TRAPPC9: variants seen among roughly 807,000 people sequenced by gnomAD.
TRAPPC9 encodes trafficking protein particle complex subunit 9.
A neutral mutation model predicts 124.0 loss-of-function variants in TRAPPC9; 83 were observed. The observed-to-expected ratio is 0.67, with a 90% confidence interval of 0.56 to 0.80. TRAPPC9 has a LOEUF of 0.80. Among genes scored for constraint, TRAPPC9 ranks in the 30% least tolerant of loss-of-function variants. The pLI, the probability that TRAPPC9 is intolerant of heterozygous loss-of-function variation, is 0.00. For synonymous variants in TRAPPC9, 638 were observed against 617.5 expected, an observed-to-expected ratio of 1.03 and a Z score of -0.49; for missense variants, 1,302 against 1,508.3, an observed-to-expected ratio of 0.86 and a Z score of 2.27.
intron 5 of TRAPPC9, among the ~76,000 whole-genome samples, chr8:140,425,931 A>G (rs549490510): frequency 6.6e-6 from 1 of 152,328 alleles, no homozygotes; most frequent in African/African-American, 2.4e-5. Flanking sequence ...AACGCCTGCA[A>G]ACCTGGGGCA....
intron 17 of TRAPPC9, among the ~76,000 whole-genome samples, chr8:140,049,893 C>T (rs1460752233): frequency 1.3e-5 from 2 of 152,208 alleles, no homozygotes; most frequent in Non-Finnish European, 2.9e-5. Flanking sequence ...GGAAAGGCTC[C>T]TTCAATTCCA....
intron 9 of TRAPPC9, among the ~76,000 whole-genome samples, chr8:140,323,978 T>A (rs534566495): frequency 3.3e-5 from 5 of 152,170 alleles, no homozygotes; most frequent in Admixed American, 2.6e-4. Flanking sequence ...ATTTCTGAGA[T>A]GTTGGTGCAC....
intron 16 of TRAPPC9, among the ~76,000 whole-genome samples, chr8:140,243,091 G>A (rs1024104211): frequency 2.0e-5 from 3 of 152,146 alleles, no homozygotes; most frequent in East Asian, 3.9e-4. Flanking sequence ...AACACAGATC[G>A]CAGCCCAGCG....
In TRAPPC9 at chr8:140,283,918, T is replaced by A. The variant is rs768331586; in HGVS notation, c.2085A>T (p.Pro695=). 1 of 1,614,118 alleles carries A rather than the reference T, an allele frequency of 6.2e-7. No homozygotes were observed. Among genetic ancestry groups the A allele is most frequent in the Non-Finnish European group, 8.5e-7 (1 of 1,180,024 alleles). The change falls in exon 14 of 23, where the codon CCA becomes CCT. Residue 695 remains proline (P), a synonymous_variant. Transcript: ENST00000438773. ...GCAGAGAGGTGCTGATCTGCAGTCT[T>A]GGCAACGCGGGAATGACTTCCACTG... The part of the protein sequence containing the change: ...GSTVEVIPAL[P]RLQISTSLPR...
At chr8:140,418,473 C>T (rs1306121839) in intron 5 of TRAPPC9, among the ~76,000 whole-genome samples, 1 of 152,202 alleles carries the variant, frequency 6.6e-6, no homozygotes, top group Non-Finnish European at 1.5e-5. Flanking sequence ...GTAATCCCAG[C>T]ACTTTGGGAG....
At chr8:140,199,907 G>T (rs958240834) in intron 17 of TRAPPC9, among the ~76,000 whole-genome samples, 1 of 151,976 alleles carries the variant, frequency 6.6e-6, no homozygotes. Context: ...AAGATAAAAG[G>T]AACTGCATAC....
At chr8:140,009,932 GGAGA>G (rs1262620034) in intron 18 of TRAPPC9, among the ~76,000 whole-genome samples, 1 of 152,196 alleles carries the variant, frequency 6.6e-6, no homozygotes, top group East Asian at 1.9e-4. Flanking sequence ...TTCCAAGGAG[GGAGA>G]GAGGGAGGGA....
intron 10 of TRAPPC9, among the ~76,000 whole-genome samples, chr8:140,305,125 G>A (rs937666788): frequency 1.3e-5 from 2 of 152,196 alleles, no homozygotes; most frequent in Admixed American, 6.5e-5. Flanking sequence ...CTGTTCTTGA[G>A]AGGGGGGCTC....
chr8:139,773,212 G>A (rs367597468), intron 21 of TRAPPC9, among the ~76,000 whole-genome samples: 1 of 152,232 alleles, frequency 6.6e-6, no homozygotes, highest in Non-Finnish European at 1.5e-5. Flanking sequence ...CGCCTGGCGC[G>A]CCCAGGTCTC....
At chr8:139,883,795 G>C (rs1295076144) in intron 21 of TRAPPC9, among the ~76,000 whole-genome samples, 1 of 152,232 alleles carries the variant, frequency 6.6e-6, no homozygotes, top group Non-Finnish European at 1.5e-5. Flanking sequence ...GTAGAGGCCT[G>C]GTGGCCTGTA....
intron 6 of TRAPPC9, among the ~76,000 whole-genome samples, chr8:140,400,153 T>C (rs1369839508): frequency 1.3e-5 from 2 of 152,228 alleles, no homozygotes; most frequent in Non-Finnish European, 2.9e-5. Flanking sequence ...CCTCTTTCTT[T>C]TGTAAATTGC....
At chr8:140,077,901 C>A (rs1190173453) in intron 17 of TRAPPC9, among the ~76,000 whole-genome samples, 2 of 152,178 alleles carry the variant, frequency 1.3e-5, no homozygotes, top group African/African-American at 4.8e-5. Flanking sequence ...AAAAGTCCAG[C>A]ATGGACAATC....
chr8:140,151,645 C>T (rs984870363), intron 17 of TRAPPC9, among the ~76,000 whole-genome samples: 2 of 152,136 alleles, frequency 1.3e-5, no homozygotes, highest in Non-Finnish European at 2.9e-5. Flanking sequence ...TAAAGACTCT[C>T]CATGTAAGAT....
intron 17 of TRAPPC9, among the ~76,000 whole-genome samples, chr8:140,165,826 C>A (rs2061827944): frequency 6.6e-6 from 1 of 152,114 alleles, no homozygotes. Context: ...TATCCTGGTG[C>A]CTCTGCCTAC....
intron 17 of TRAPPC9, among the ~76,000 whole-genome samples, chr8:140,100,788 C>T (rs887718376): frequency 6.6e-6 from 1 of 152,152 alleles, no homozygotes; most frequent in Non-Finnish European, 1.5e-5. Context: ...TGACAGGGCC[C>T]TGAGGATGAC....
At chr8:140,302,733 T>C (rs1269410361) in intron 10 of TRAPPC9, 2 of 152,190 alleles carry the variant, frequency 1.3e-5, no homozygotes, top group Non-Finnish European at 2.9e-5. Context: ...CAGGGAAACA[T>C]ATCCAAGAAG....
intron 17 of TRAPPC9, among the ~76,000 whole-genome samples, chr8:140,185,283 G>T (rs772785203): frequency 6.6e-6 from 1 of 152,210 alleles, no homozygotes; most frequent in African/African-American, 2.4e-5. Context: ...ACACACGCAC[G>T]TGGAGTCAGA....
intron 21 of TRAPPC9, among the ~76,000 whole-genome samples, chr8:139,787,180 G>A (rs899911232): frequency 6.6e-6 from 1 of 152,164 alleles, no homozygotes; most frequent in East Asian, 1.9e-4. Context: ...GTGAGTGAGT[G>A]TGGCCACCCA....
At chr8:140,126,323 T>C (rs998775332) in intron 17 of TRAPPC9, among the ~76,000 whole-genome samples, 1 of 112,850 alleles carries the variant, frequency 8.9e-6, no homozygotes, top group Non-Finnish European at 1.9e-5. Context: ...CGTGAGACAC[T>C]AGACAGAGGA....
Sources: gnomAD v4.1 joint callset for allele counts (sites outside exome capture counted in the v4.1 genomes callset) on GRCh38, gnomAD v4.1.1 for gene constraint, MANE v1.5 for transcripts, NCBI Gene and HGNC (gene_info 2026-07-23, HGNC 2026-07-21) for gene names.